Variants in SLC1A3 observed in about 807,000 individuals in gnomAD.
The protein encoded by SLC1A3 is excitatory amino acid transporter 1.
In SLC1A3, 21 loss-of-function variants were observed where a neutral mutation model predicts 48.1. The observed-to-expected ratio is 0.44, with a 90% CI of 0.31 to 0.63. SLC1A3 has a LOEUF of 0.63. Ranked by LOEUF, SLC1A3 falls within the 20% of genes least tolerant of loss-of-function variation. The probability of loss-of-function intolerance (pLI) is 0.08; values close to 1 mark genes in which losing one functional copy is unlikely to be tolerated. For missense variants in SLC1A3, 546 were observed against 689.0 expected, an observed-to-expected ratio of 0.79 and a Z score of 2.32; for synonymous variants, 239 against 251.4, an observed-to-expected ratio of 0.95 and a Z score of 0.47.
At chr5:36,679,580 C>G in intron 6 of SLC1A3, 47 bp from the exon 7 acceptor site, 1 of 1,357,214 alleles carries the variant, frequency 7.4e-7, no homozygotes, top group Non-Finnish European at 1.1e-6. Context: ...TGTGGACTAG[C>G]TTGGTGGAAA....
intron 3 of SLC1A3, among the ~76,000 whole-genome samples, chr5:36,640,875 T>C (rs534491868): frequency 6.6e-5 from 10 of 152,252 alleles, no homozygotes; most frequent in South Asian, 2.1e-4. Context: ...TTGATCATTT[T>C]ATAGCAGATA....
intron 2 of SLC1A3, among the ~76,000 whole-genome samples, chr5:36,611,355 T>G (rs1384192475): frequency 1.3e-5 from 2 of 150,964 alleles, no homozygotes; most frequent in Admixed American, 6.6e-5. Context: ...TGTTTTTTTT[T>G]TTTGCCTTTT....
At chr5:36,600,923 G>A (rs953690519) in intron 1 of SLC1A3, among the ~76,000 whole-genome samples, 17 of 152,180 alleles carry the variant, frequency 1.1e-4, no homozygotes, top group African/African-American at 3.9e-4. Flanking sequence ...TTGTGCTCAA[G>A]GCCCAGTTTC....
At chr5:36,669,405 A>G (rs938902180) in intron 3 of SLC1A3, 11 of 152,230 alleles carry the variant, frequency 7.2e-5, no homozygotes, top group African/African-American at 2.7e-4. Context: ...GGCCAAGGAT[A>G]AAAGAGGCTA....
chr5:36,669,106 T>A (rs1741883690), intron 3 of SLC1A3: 1 of 152,204 alleles, frequency 6.6e-6, no homozygotes, highest in African/African-American at 2.4e-5. Context: ...CGGCGTATTG[T>A]GCTTACACTA....
intron 3 of SLC1A3, among the ~76,000 whole-genome samples, chr5:36,640,128 CTGTT>C (rs1159523537): frequency 9.2e-5 from 14 of 152,144 alleles, no homozygotes; most frequent in Non-Finnish European, 1.9e-4. Flanking sequence ...TTTTTTCCCT[CTGTT>C]TGGTATTTGG....
At chr5:36,641,150 T>C (rs1740603425) in intron 3 of SLC1A3, among the ~76,000 whole-genome samples, 1 of 152,156 alleles carries the variant, frequency 6.6e-6, no homozygotes, top group Non-Finnish European at 1.5e-5. Flanking sequence ...ATCTTTAGTA[T>C]AGGATGATGC....
chr5:36,620,784 A>G (rs1050737579), intron 2 of SLC1A3, among the ~76,000 whole-genome samples: 5 of 152,222 alleles, frequency 3.3e-5, no homozygotes, highest in African/African-American at 9.6e-5. Context: ...ATAAACAACA[A>G]GCATAATAAA....
At position 36,687,539 on chromosome 5, in the gene SLC1A3, C is replaced by G. The variant is rs1742703213; in HGVS notation, c.*1270C>G. On this transcript the variant is annotated 3_prime_UTR_variant, in exon 10 of 10. Coordinates refer to ENST00000265113, the MANE Select transcript of SLC1A3 (RefSeq NM_004172.5). Reference sequence around the variant, plus strand: ...TTGAAAGAAGTCAAATGAATGAGCTCTCTAATAGAAGTCCATGAGTTGAGT... The same window carrying G: ...TTGAAAGAAGTCAAATGAATGAGCTGTCTAATAGAAGTCCATGAGTTGAGT... 1 of 152,064 alleles carries G rather than the reference C, an allele frequency of 6.6e-6. No homozygotes were observed. The highest frequency in any genetic ancestry group is 2.4e-5 in the African/African-American group (1 of 41,394). 9.4% of individuals were successfully genotyped at this position (152,064 alleles called of 1,614,324 possible).
intron 2 of SLC1A3, among the ~76,000 whole-genome samples, chr5:36,617,544 G>A (rs1297853621): frequency 6.6e-6 from 1 of 150,712 alleles, no homozygotes; most frequent in African/African-American, 2.4e-5. Context: ...GTCCCCCAAG[G>A]TTCCCGTTTA....
upstream of SLC1A3, among the ~76,000 whole-genome samples, chr5:36,606,125 A>AT (rs200499481): frequency 7.2e-5 from 11 of 152,194 alleles, no homozygotes; most frequent in East Asian, 1.5e-3. Flanking sequence ...AGTAAGCATT[A>AT]TTTTTTTTCT....
intron 3 of SLC1A3, among the ~76,000 whole-genome samples, chr5:36,657,502 C>T (rs1447024997): frequency 6.6e-6 from 1 of 151,160 alleles, no homozygotes; most frequent in Non-Finnish European, 1.5e-5. Context: ...ATGTACTTTT[C>T]TAAAAAAACC....
At chr5:36,659,471 A>AG (rs1741418479) in intron 3 of SLC1A3, among the ~76,000 whole-genome samples, 1 of 152,228 alleles carries the variant, frequency 6.6e-6, no homozygotes, top group Non-Finnish European at 1.5e-5. Context: ...CATATTATTA[A>AG]GGCATCACGT....
chr5:36,655,876 A>G (rs1240242211), intron 3 of SLC1A3, among the ~76,000 whole-genome samples: 1 of 152,218 alleles, frequency 6.6e-6, no homozygotes, highest in Admixed American at 6.5e-5. Context: ...GTTCACTACA[A>G]TCAAGTTTCC....
intron 2 of SLC1A3, among the ~76,000 whole-genome samples, chr5:36,625,763 CTA>C (rs1413089193): frequency 6.6e-5 from 10 of 152,202 alleles, no homozygotes; most frequent in African/African-American, 2.4e-4. Context: ...TGTCTCCTCT[CTA>C]TAGAGAAGAG....
At chr5:36,605,325 G>A (rs921370846), upstream of SLC1A3, among the ~76,000 whole-genome samples, 1 of 152,138 alleles carries the variant, frequency 6.6e-6, no homozygotes, top group African/African-American at 2.4e-5. Context: ...ACTGAGGGCT[G>A]GGAATGTCAA....
intron 9 of SLC1A3, among the ~76,000 whole-genome samples, chr5:36,684,553 C>T (rs796710646): frequency 6.6e-6 from 1 of 152,316 alleles, no homozygotes; most frequent in East Asian, 1.9e-4. Context: ...CTAACCTCTA[C>T]AGGCCCATCC....
At position 36,643,760 on chromosome 5, in the gene SLC1A3, C is replaced by T. The variant is rs780641981; in HGVS notation, c.319+14173C>T. ...CTGTAATCCCACCACTTTGGGTGGC[C>T]GAGGCGGGTGGATCATGAGGTCAAG... On this transcript the variant is annotated intron_variant, in intron 3 of 9. Transcript: ENST00000265113. Among the ~76,000 whole-genome samples, 18 of 151,970 alleles carry T rather than the reference C, an allele frequency of 1.2e-4. 1 individual carries two copies. The highest frequency in any genetic ancestry group is 1.0e-3 in the Admixed American group (16 of 15,244).
intron 2 of SLC1A3, among the ~76,000 whole-genome samples, chr5:36,620,911 C>CT (rs869280684): frequency 6.8e-4 from 98 of 143,402 alleles, no homozygotes; most frequent in Middle Eastern, 7.1e-3. Context: ...TGAGCTAGGT[C>CT]TTTTTTTTTT....
Sources: allele counts gnomAD v4.1 joint callset (sites outside exome capture counted in the v4.1 genomes callset), GRCh38; gene constraint gnomAD v4.1.1; transcripts MANE v1.5; gene names NCBI Gene and HGNC (gene_info 2026-07-23, HGNC 2026-07-21).